Variants in INSR observed in about 807,000 individuals in gnomAD.
The protein encoded by INSR is insulin receptor.
Under a neutral mutation model 142.6 loss-of-function variants are expected in INSR, and 67 were observed. The observed-to-expected ratio is 0.47, with a 90% CI of 0.39 to 0.58. The LOEUF is 0.58. INSR is among the 20% of genes least tolerant of loss of function. INSR has a pLI of 0.00. For synonymous variants in INSR, 756 were observed against 743.1 expected, an observed-to-expected ratio of 1.02 and a Z score of -0.28; for missense variants, 1,248 against 1,833.2, an observed-to-expected ratio of 0.68 and a Z score of 5.83.
At chr19:7,259,041 CTTCCTTTCTTTCTTCCTTCCTTT>C (rs1976978273) in intron 2 of INSR, among the ~76,000 whole-genome samples, 1 of 138,782 alleles carries the variant, frequency 7.2e-6, no homozygotes, top group Non-Finnish European at 1.6e-5. Context: ...TCCCTCCTTC[CTTCCTTTCTTTCTTCCTTCCTTT>C]CTCCTTCCCT....
intron 13 of INSR, chr19:7,141,415 G>A (rs898518569): frequency 2.0e-6 from 1 of 512,464 alleles, no homozygotes; most frequent in African/African-American, 1.9e-5. Context: ...TCCTGTTGTG[G>A]TGGGAGGCAG....
Position 7,267,643 on chromosome 19 carries a change from GTAGT to G in INSR, c.350_353del (p.Asn117ThrfsTer19), listed in dbSNP as rs1347163319. 2.5e-6 allele frequency: 4 copies of G among 1,613,992 alleles called. No homozygotes were observed. The highest frequency in any genetic ancestry group is 3.4e-6 in the Non-Finnish European group (4 of 1,179,940). The stretch of plus-strand genomic sequence containing the variant: ...GAACCATCTCGAAGATGACCAGCGC[GTAGT>G]TAAAGAACAGTCGTGATCCCCGGAT... On this transcript the variant is annotated frameshift_variant, in exon 2 of 22. Coordinates refer to ENST00000302850, the MANE Select transcript of INSR (RefSeq NM_000208.4). LOFTEE classifies it high-confidence loss of function. The surrounding 1 kb of genome is among the most constrained non-coding windows in gnomAD (Gnocchi z 6.3).
At chr19:7,120,303 C>T (rs1327938003) in intron 20 of INSR, among the ~76,000 whole-genome samples, 2 of 152,166 alleles carry the variant, frequency 1.3e-5, no homozygotes, top group Admixed American at 6.5e-5. Context: ...ATGTATAAAA[C>T]CAAACTGTGC....
intron 2 of INSR, among the ~76,000 whole-genome samples, chr19:7,238,962 CAAAAAAAAAA>C (rs71177185): frequency 1.3e-5 from 1 of 77,892 alleles, no homozygotes; most frequent in African/African-American, 5.8e-5. Context: ...GATGAATTCT[CAAAAAAAAAA>C]AAAAAAAAAA....
chr19:7,153,311 T>TCA (rs1973475750), intron 9 of INSR, among the ~76,000 whole-genome samples: 1 of 6,570 alleles, frequency 1.5e-4, no homozygotes, highest in Non-Finnish European at 3.0e-4. Context: ...ACCACACAAA[T>TCA]CACACACACA....
intron 2 of INSR, among the ~76,000 whole-genome samples, chr19:7,258,394 G>C (rs11671314): frequency 0.22 from 28,081 of 128,590 alleles, 4,797 homozygotes; most frequent in African/African-American, 0.32. Flanking sequence ...CCAGGCGACA[G>C]AGTGAGACCC....
At chr19:7,240,227 T>C (rs935298885) in intron 2 of INSR, among the ~76,000 whole-genome samples, 2 of 152,202 alleles carry the variant, frequency 1.3e-5, no homozygotes, top group Non-Finnish European at 2.9e-5. Context: ...AACTGTATAC[T>C]GAAAAATAAA....
intron 2 of INSR, among the ~76,000 whole-genome samples, chr19:7,190,735 G>C (rs1260114761): frequency 6.6e-6 from 1 of 152,110 alleles, no homozygotes; most frequent in African/African-American, 2.4e-5. Context: ...TCTGTAGGGA[G>C]ATGTTGATCA....
intron 2 of INSR, among the ~76,000 whole-genome samples, chr19:7,202,996 G>GTTTTT (rs371572449): frequency 0.023 from 1,548 of 67,152 alleles, 33 homozygotes; most frequent in African/African-American, 0.043. Flanking sequence ...GGGTTTTGTT[G>GTTTTT]TTTTTTTTTT....
intron 6 of INSR, among the ~76,000 whole-genome samples, chr19:7,170,298 C>G (rs1973986171): frequency 6.6e-6 from 1 of 151,790 alleles, no homozygotes; most frequent in Non-Finnish European, 1.5e-5. Flanking sequence ...TCACCCCCAG[C>G]TGGGACCATC....
Position 7,144,298 on chromosome 19 carries a change from T to C in INSR, c.2268-1208A>G, listed in dbSNP as rs142631969. Among the ~76,000 whole-genome samples the C allele has an allele frequency of 6.5e-3, 989 of 152,306 alleles. 7 individuals are homozygous for C. Among genetic ancestry groups the C allele is most frequent in the East Asian group, 0.042 (216 of 5,194 alleles). ...TTAATATTAGGGTTTTCCTCCATCA[T>C]CTACAAAAGTAGCATGTGTTCCCTG... On this transcript the variant is annotated intron_variant, in intron 11 of 21. Transcript: ENST00000302850.
Position 7,173,038 on chromosome 19 carries a change from C to G in INSR, c.1124-604G>C, listed in dbSNP as rs190640282. On this transcript the variant is annotated intron_variant, in intron 4 of 21. Transcript: ENST00000302850. ...GTCTATGGCTGTTTTCATATTACAA[C>G]GGCAGAGTTGAGTGGTTACGGCAGA... is the stretch of plus-strand genomic sequence containing the variant. Among the ~76,000 whole-genome samples the G allele has an allele frequency of 2.7e-3, 412 of 152,212 alleles. 7 individuals carry two copies. Among genetic ancestry groups the G allele is most frequent in the Admixed American group, 0.025 (387 of 15,274 alleles).
Position 7,291,236 on chromosome 19 carries a change from G to T in INSR, c.100+2556C>A, listed in dbSNP as rs145765270. Among the ~76,000 whole-genome samples the T allele has an allele frequency of 1.4e-4, 21 of 152,278 alleles. No homozygotes were observed. In the East Asian group the frequency reaches 3.3e-3, roughly 24 times the overall value. On this transcript the variant is annotated intron_variant, in intron 1 of 21. Coordinates refer to ENST00000302850, the MANE Select transcript of INSR (RefSeq NM_000208.4). ...GGAGGCTCGGACTCAAAAGAACAAA[G>T]ATTTGTTAAGAAACCATTGCTCTGC...
At chr19:7,171,972 T>C (rs1225789327) in intron 5 of INSR, among the ~76,000 whole-genome samples, 1 of 150,652 alleles carries the variant, frequency 6.6e-6, no homozygotes, top group Non-Finnish European at 1.5e-5. Context: ...AGTGCAGTAG[T>C]GTGATCTTGG....
At chr19:7,126,315 C>G (rs1199150062) in intron 16 of INSR, among the ~76,000 whole-genome samples, 3 of 152,200 alleles carry the variant, frequency 2.0e-5, no homozygotes, top group Admixed American at 2.0e-4. Flanking sequence ...AGAAGAACTG[C>G]CCAGCTGAGC....
At chr19:7,281,239 G>A (rs1224121094) in intron 1 of INSR, among the ~76,000 whole-genome samples, 1 of 152,126 alleles carries the variant, frequency 6.6e-6, no homozygotes, top group Admixed American at 6.6e-5. Flanking sequence ...GTGTAACTGG[G>A]TATAATTAGG....
chr19:7,269,071 AAC>A (rs1967831763), intron 1 of INSR, among the ~76,000 whole-genome samples: 1 of 120,182 alleles, frequency 8.3e-6, no homozygotes, highest in Admixed American at 8.0e-5. Context: ...CCGCCTCCCC[AAC>A]ACACACACCA....
chr19:7,269,416 CACACACACACTT>C (rs1303702141), intron 1 of INSR, among the ~76,000 whole-genome samples: 4 of 128,754 alleles, frequency 3.1e-5, no homozygotes, highest in Admixed American at 3.0e-4. Flanking sequence ...CACACACACA[CACACACACACTT>C]GCTTGCTAGG....
intron 9 of INSR, among the ~76,000 whole-genome samples, chr19:7,160,501 G>C (rs972945075): frequency 1.3e-5 from 2 of 151,902 alleles, no homozygotes; most frequent in Admixed American, 1.3e-4. Context: ...CTGTAGTCCT[G>C]TGTAGTCCAG....
Sources: allele counts gnomAD v4.1 joint callset (sites outside exome capture counted in the v4.1 genomes callset), GRCh38; gene constraint gnomAD v4.1.1; non-coding constraint Gnocchi (gnomAD v3.1); transcripts MANE v1.5; gene names NCBI Gene and HGNC (gene_info 2026-07-23, HGNC 2026-07-21).